The following STX8 variants were observed in gnomAD, a reference collection of about 807,000 sequenced individuals.
The protein encoded by STX8 is syntaxin 8, also known as syntaxin-8.
In STX8, 23 loss-of-function variants were observed where a neutral mutation model predicts 37.5. The observed-to-expected ratio is 0.61, with a 90% confidence interval of 0.44 to 0.87. The LOEUF is 0.87. Ranked by LOEUF, STX8 falls within the 40% of genes least tolerant of loss-of-function variation. The probability of loss-of-function intolerance (pLI) is 0.00; values close to 1 mark genes in which losing one functional copy is unlikely to be tolerated. For missense variants in STX8, 313 were observed against 284.7 expected (o/e 1.10, Z -0.71); for synonymous variants, 115 against 99.1 (o/e 1.16, Z -0.95).
intron 6 of STX8, among the ~76,000 whole-genome samples, chr17:9,483,619 T>C (rs1906442053): frequency 6.6e-6 from 1 of 152,186 alleles, no homozygotes; most frequent in African/African-American, 2.4e-5. Context: ...ATCACTGATG[T>C]GTATGTGAAA....
In STX8 at chr17:9,568,513, T is replaced by C. The variant is rs930356479; in HGVS notation, c.18-43A>G. On this transcript the variant is annotated intron_variant, in intron 1 of 7. Transcript: ENST00000306357. ...AAAGAGAAAATGTTTAAGGTTCTTT[T>C]TTTTTGAGACGGAGTCTCGCTCTGT... The C allele has an allele frequency of 3.9e-6, 6 of 1,545,556 alleles. No individual in the cohort carries two copies. In the Admixed American group the frequency reaches 7.1e-5, roughly 18 times the overall value.
At chr17:9,271,732 G>T (rs1907469506) in intron 7 of STX8, among the ~76,000 whole-genome samples, 1 of 133,692 alleles carries the variant, frequency 7.5e-6, no homozygotes, top group Admixed American at 8.3e-5. Context: ...CCTGGCTATA[G>T]AGCAAGACTC....
intron 6 of STX8, among the ~76,000 whole-genome samples, chr17:9,452,762 T>C (rs1257263248): frequency 1.3e-5 from 2 of 151,924 alleles, no homozygotes; most frequent in East Asian, 3.9e-4. Flanking sequence ...AAAATCTACT[T>C]GGGAAGTTGG....
chr17:9,277,823 C>A lies in STX8; in HGVS notation c.644-27178G>T, dbSNP rs73976026. 6.9e-3 allele frequency among the ~76,000 whole-genome samples: 1,047 copies of A among 152,094 alleles called. 13 individuals carry two copies. Among genetic ancestry groups the A allele is most frequent in the African/African-American group, 0.024 (1,014 of 41,424 alleles). On this transcript the variant is annotated intron_variant, in intron 7 of 7. Coordinates refer to ENST00000306357, the MANE Select transcript of STX8 (RefSeq NM_004853.3). ...TAGGGATTCATGGAATGGAAAGAAACCCACTGTGGTTAGAACTGGCCAGTG... is the reference window on the plus strand; with the variant it reads ...TAGGGATTCATGGAATGGAAAGAAAACCACTGTGGTTAGAACTGGCCAGTG...
chr17:9,570,591 A>C (rs538995452), intron 1 of STX8, among the ~76,000 whole-genome samples: 1 of 152,216 alleles, frequency 6.6e-6, no homozygotes, highest in African/African-American at 2.4e-5. Context: ...TGATACAAGA[A>C]AACACAGAAT....
chr17:9,561,104 C>T (rs1167296935), intron 2 of STX8, among the ~76,000 whole-genome samples: 1 of 151,792 alleles, frequency 6.6e-6, no homozygotes, highest in Non-Finnish European at 1.5e-5. Context: ...AACAAAATAA[C>T]AGAAAAAAAG....
intron 7 of STX8, among the ~76,000 whole-genome samples, chr17:9,251,107 A>G (rs1330371966): frequency 6.6e-6 from 1 of 152,212 alleles, no homozygotes; most frequent in Non-Finnish European, 1.5e-5. Flanking sequence ...TCCTTAAGTC[A>G]CCCATTTGTA....
intron 6 of STX8, among the ~76,000 whole-genome samples, chr17:9,477,438 TA>T (rs1344031454): frequency 6.6e-6 from 1 of 152,190 alleles, no homozygotes. Context: ...TTTAAAGTTC[TA>T]ACTAGTGCCA....
chr17:9,416,977 G>A (rs1295911328), intron 6 of STX8, among the ~76,000 whole-genome samples: 2 of 152,128 alleles, frequency 1.3e-5, no homozygotes, highest in African/African-American at 2.4e-5. Flanking sequence ...ACCCAGACCT[G>A]TGACTCATGA....
At chr17:9,328,438 G>A (rs1909848527) in intron 7 of STX8, among the ~76,000 whole-genome samples, 3 of 152,206 alleles carry the variant, frequency 2.0e-5, no homozygotes, top group East Asian at 1.9e-4. Context: ...TTGGGTCATC[G>A]TTTTCCGAGC....
At chr17:9,336,309 G>A (rs147754149) in intron 7 of STX8, among the ~76,000 whole-genome samples, 172 of 152,296 alleles carry the variant, frequency 1.1e-3, no homozygotes, top group African/African-American at 3.5e-3. Context: ...GTGGATAGGT[G>A]CAAAACGACC....
intron 6 of STX8, among the ~76,000 whole-genome samples, chr17:9,450,283 C>T (rs577686128): frequency 6.6e-6 from 1 of 151,456 alleles, no homozygotes; most frequent in African/African-American, 2.4e-5. Flanking sequence ...ACCATGTTGG[C>T]CAGGCTGGTC....
chr17:9,358,408 C>T (rs1441061713), intron 7 of STX8, among the ~76,000 whole-genome samples: 4 of 152,170 alleles, frequency 2.6e-5, no homozygotes, highest in Non-Finnish European at 5.9e-5. Context: ...CCATGGTACA[C>T]CACTCAGTTG....
At chr17:9,438,585 T>C (rs1904527659) in intron 6 of STX8, among the ~76,000 whole-genome samples, 1 of 152,096 alleles carries the variant, frequency 6.6e-6, no homozygotes, top group Non-Finnish European at 1.5e-5. Context: ...TACGTCTCTG[T>C]TGCAACTACT....
chr17:9,510,218 A>G (rs1904978531), intron 4 of STX8, among the ~76,000 whole-genome samples: 1 of 152,202 alleles, frequency 6.6e-6, no homozygotes. Context: ...AGCATTGGAC[A>G]GATCATTCAG....
At chr17:9,488,309 AG>A (rs1567582846) in intron 6 of STX8, among the ~76,000 whole-genome samples, 2 of 141,914 alleles carry the variant, frequency 1.4e-5, no homozygotes, top group African/African-American at 5.2e-5. Context: ...CTGGGCAACA[AG>A]GGCGAAACTC....
chr17:9,359,146 G>A (rs530266550), intron 7 of STX8, among the ~76,000 whole-genome samples: 2 of 151,720 alleles, frequency 1.3e-5, no homozygotes, highest in East Asian at 3.9e-4. Context: ...GGGTTCAAGA[G>A]ATCCTTCTGC....
chr17:9,314,751 C>A (rs1909322333), intron 7 of STX8, among the ~76,000 whole-genome samples: 1 of 151,346 alleles, frequency 6.6e-6, no homozygotes, highest in Non-Finnish European at 1.5e-5. Context: ...ATATCCTAAG[C>A]CCCCCAGCCG....
rs139650768 is a variant in STX8 at position 9,270,525 on chromosome 17, A to G, written c.644-19880T>C. The stretch of plus-strand genomic sequence containing the variant: ...CACCTCGGCCTCCCAAAGTGCTGGG[A>G]TTACAGGCGTGAGCAACCGTGCCCA... On this transcript the variant is annotated intron_variant, in intron 7 of 7. Coordinates refer to ENST00000306357, the MANE Select transcript of STX8 (RefSeq NM_004853.3). Among the ~76,000 whole-genome samples, 130 of 152,140 alleles carry G rather than the reference A, an allele frequency of 8.5e-4. 3 individuals carry two copies. The highest frequency in any genetic ancestry group is 3.0e-3 in the African/African-American group (125 of 41,502).
Sources: allele counts gnomAD v4.1 joint callset (sites outside exome capture counted in the v4.1 genomes callset), GRCh38; gene constraint gnomAD v4.1.1; transcripts MANE v1.5; gene names NCBI Gene and HGNC (gene_info 2026-07-23, HGNC 2026-07-21).